The following DNAH7 variants were observed in gnomAD, a reference collection of about 807,000 sequenced individuals.
The protein encoded by DNAH7 is dynein axonemal heavy chain 7.
In DNAH7, 397 loss-of-function variants were observed where a neutral mutation model predicts 444.6. The ratio of observed to expected loss-of-function variants is 0.89; its 90% CI spans 0.82 to 0.97. The LOEUF (loss-of-function observed/expected upper bound fraction) is 0.97. DNAH7 is among the 50% of genes least tolerant of loss of function. The pLI is 0.00. For synonymous variants in DNAH7, 1,636 were observed against 1,624.4 expected (o/e 1.01, Z -0.17); for missense variants, 4,902 against 4,800.8 (o/e 1.02, Z -0.62).
In DNAH7 at chr2:195,796,585, T is replaced by C. The variant is rs558738487; in HGVS notation, c.10506A>G (p.Lys3502=). ...LATSWMPTLE[K]VCEELSPEST... Reference sequence around the variant, plus strand: ...AAACTTGCATTTTTACCTCACAGACTTTCTCAAGGGTTGGCATCCAAGAGG... The same window carrying C: ...AAACTTGCATTTTTACCTCACAGACCTTCTCAAGGGTTGGCATCCAAGAGG... The change falls in exon 56 of 65, where the codon AAA becomes AAG. Residue 3502 remains lysine (K), a synonymous_variant. Transcript: ENST00000312428. 2 of 1,614,120 alleles carry C rather than the reference T, an allele frequency of 1.2e-6. No individual in the cohort carries two copies.
Position 196,047,517 on chromosome 2 carries a change from A to G in DNAH7, c.251-18T>C, listed in dbSNP as rs200393488. ...GTATTCAGCTTAAATTAAAACAAAA[A>G]AAAAAGCACAATTATTCATCTAAAA... On this transcript the variant is annotated intron_variant, in intron 4 of 64. Transcript: ENST00000312428. 2.6e-6 allele frequency: 4 copies of G among 1,521,808 alleles called. No individual in the cohort carries two copies. The highest frequency in any genetic ancestry group is 2.8e-5 in the African/African-American group (2 of 71,758). The allele number at this position is 1,521,808 out of a possible 1,614,324, so 94.3% of individuals were successfully genotyped here. A position where few individuals can be genotyped will look rare whatever the true frequency, so the allele number is the denominator to read the frequency against.
chr2:195,917,471 T>C (rs1342901393), intron 24 of DNAH7, among the ~76,000 whole-genome samples: 1 of 152,176 alleles, frequency 6.6e-6, no homozygotes, highest in Non-Finnish European at 1.5e-5. Flanking sequence ...CACAGAAGCA[T>C]GTCAAGTCAA....
intron 47 of DNAH7, among the ~76,000 whole-genome samples, chr2:195,841,469 A>G (rs988388275): frequency 1.3e-5 from 2 of 151,956 alleles, no homozygotes; most frequent in Non-Finnish European, 2.9e-5. Flanking sequence ...ATAGAATAAC[A>G]TATTAGATGA....
intron 12 of DNAH7, among the ~76,000 whole-genome samples, chr2:195,999,563 A>T (rs567798347): frequency 1.2e-3 from 187 of 152,354 alleles, no homozygotes; most frequent in African/African-American, 4.4e-3. Flanking sequence ...CAGCAGAATC[A>T]GATCAGCAAA....
chr2:195,975,034 C>G (rs760516012), intron 15 of DNAH7, among the ~76,000 whole-genome samples: 1 of 152,038 alleles, frequency 6.6e-6, no homozygotes. Context: ...AAATCAGGAT[C>G]GAGGCAGAGA....
rs1400783037 is a variant in DNAH7, at chr2:195,740,601, GTGTGTGTGTGTGTGTATATATATATA to G, written c.11868+139_11868+164del. Among the ~76,000 whole-genome samples the G allele has an allele frequency of 2.8e-4, 13 of 46,750 alleles. 1 individual carries two copies. Among genetic ancestry groups the G allele is most frequent in the Non-Finnish European group, 5.3e-4 (11 of 20,846 alleles). The allele number at this position is 46,750 out of a possible 152,430, so 30.7% of individuals were successfully genotyped here. A position where few individuals can be genotyped will look rare whatever the true frequency, so the allele number is the denominator to read the frequency against. ...TGACTGTATATGTGTGTGTGTGTGT[GTGTGTGTGTGTGTGTATATATATATA>G]TATATATATATATATATACATATAC... On this transcript the variant is annotated intron_variant, in intron 64 of 64. Transcript: ENST00000312428.
intron 12 of DNAH7, among the ~76,000 whole-genome samples, chr2:195,993,521 GCA>G (rs1693488085): frequency 6.6e-6 from 1 of 152,150 alleles, no homozygotes; most frequent in African/African-American, 2.4e-5. Context: ...AGGGGAGTGG[GCA>G]CAGTTTATGG....
At chr2:196,048,517 C>T (rs1287629499) in intron 3 of DNAH7, 113 bp from the exon 4 acceptor site, 1 of 825,860 alleles carries the variant, frequency 1.2e-6, no homozygotes, top group African/African-American at 1.7e-5. Context: ...ATCAGAACAT[C>T]TGGATAGAAA....
intron 57 of DNAH7, among the ~76,000 whole-genome samples, chr2:195,793,610 C>T (rs1164574954): frequency 6.6e-6 from 1 of 152,000 alleles, no homozygotes. Flanking sequence ...AATATAGGCC[C>T]CCTTTTATTT....
At chr2:195,860,731 ATAGTAT>A (rs1699968580) in intron 42 of DNAH7, among the ~76,000 whole-genome samples, 1 of 152,152 alleles carries the variant, frequency 6.6e-6, no homozygotes, top group African/African-American at 2.4e-5. Context: ...AATCAAACTC[ATAGTAT>A]TAATATTTTT....
In DNAH7 at chr2:195,946,164, C is replaced by T. The variant is rs371271493; in HGVS notation, c.3079-9372G>A. On this transcript the variant is annotated intron_variant, in intron 19 of 64. Coordinates refer to ENST00000312428, the MANE Select transcript of DNAH7 (RefSeq NM_018897.3). ...AGAACTATATGCTCAAGGATACAAACAAAGTGGGTAGGGAAGATGAATTGT... is the reference window on the plus strand; with the variant it reads ...AGAACTATATGCTCAAGGATACAAATAAAGTGGGTAGGGAAGATGAATTGT... Among the ~76,000 whole-genome samples the T allele has an allele frequency of 2.2e-3, 331 of 152,256 alleles. 1 individual carries two copies. Among genetic ancestry groups the T allele is most frequent in the Non-Finnish European group, 3.7e-3 (254 of 68,002 alleles).
intron 1 of DNAH7, among the ~76,000 whole-genome samples, chr2:196,066,016 G>A (rs546248068): frequency 6.6e-6 from 1 of 152,190 alleles, no homozygotes; most frequent in Admixed American, 6.5e-5. Flanking sequence ...TCTGTTTTCT[G>A]TTGGGATCCT....
intron 19 of DNAH7, 110 bp downstream of exon 19, chr2:195,957,151 G>T: frequency 1.1e-6 from 1 of 927,310 alleles, no homozygotes; most frequent in Non-Finnish European, 1.5e-6. Flanking sequence ...ATGTATGTAT[G>T]AAACAGATAA....
At chr2:196,025,837 G>A (rs1177062958) in intron 7 of DNAH7, among the ~76,000 whole-genome samples, 3 of 151,986 alleles carry the variant, frequency 2.0e-5, no homozygotes, top group African/African-American at 7.3e-5. Flanking sequence ...ACCAATAAGG[G>A]TCCCCACATT....
At chr2:196,014,025 A>C (rs1694868016) in intron 9 of DNAH7, among the ~76,000 whole-genome samples, 1 of 152,172 alleles carries the variant, frequency 6.6e-6, no homozygotes, top group Admixed American at 6.5e-5. Context: ...CGAGGCATAG[A>C]ATACCATCTT....
chr2:195,848,443 A>AT (rs1417679509), intron 46 of DNAH7, among the ~76,000 whole-genome samples: 1 of 152,222 alleles, frequency 6.6e-6, no homozygotes, highest in African/African-American at 2.4e-5. Flanking sequence ...TTTGATGTTC[A>AT]TTTACTGATG....
chr2:195,796,271 G>A (rs1486208519), intron 56 of DNAH7, among the ~76,000 whole-genome samples: 1 of 152,158 alleles, frequency 6.6e-6, no homozygotes, highest in Non-Finnish European at 1.5e-5. Context: ...TAAAAAGTAA[G>A]TTGATGTATA....
intron 19 of DNAH7, among the ~76,000 whole-genome samples, chr2:195,950,587 G>A (rs961672135): frequency 1.3e-5 from 2 of 151,626 alleles, no homozygotes; most frequent in African/African-American, 2.4e-5. Flanking sequence ...GGTGGCTCAC[G>A]CCTGTAATCC....
chr2:195,782,577 G>A (rs568856961), intron 58 of DNAH7, among the ~76,000 whole-genome samples: 34 of 151,928 alleles, frequency 2.2e-4, no homozygotes, highest in Admixed American at 1.3e-3. Flanking sequence ...ACAGAAAAAC[G>A]TGTAAATTAG....
Sources: allele counts gnomAD v4.1 joint callset (sites outside exome capture counted in the v4.1 genomes callset), GRCh38; gene constraint gnomAD v4.1.1; transcripts MANE v1.5; gene names NCBI Gene and HGNC (gene_info 2026-07-23, HGNC 2026-07-21).